SHFL: variants seen among roughly 807,000 people sequenced by gnomAD.
SHFL encodes the protein shiftless antiviral inhibitor of ribosomal frameshifting protein.
A neutral mutation model predicts 34.7 loss-of-function variants in SHFL; 12 were observed. That is an observed-to-expected ratio of 0.35 (90% CI 0.22 to 0.56). SHFL has a LOEUF of 0.56. Ranked by LOEUF, SHFL falls within the 20% of genes least tolerant of loss-of-function variation. SHFL has a pLI of 0.88. For synonymous variants in SHFL, 148 were observed against 156.0 expected (o/e 0.95, Z 0.38); for missense variants, 278 against 411.1 (o/e 0.68, Z 2.80).
At chr19:10,087,124 A>G (rs1320259447) in intron 2 of SHFL, 72 bp downstream of exon 2, 3 of 1,586,730 alleles carry the variant, frequency 1.9e-6, no homozygotes, top group Non-Finnish European at 2.6e-6. Context: ...TGGTCTAGGG[A>G]GAGGCGTTGA....
At chr19:10,089,764 C>T in intron 4 of SHFL, 69 bp downstream of exon 4, 1 of 1,560,684 alleles carries the variant, frequency 6.4e-7, no homozygotes, top group South Asian at 1.2e-5. Flanking sequence ...AGAAGGATGT[C>T]CATTAGGGCA....
Position 10,092,466 on chromosome 19 carries a change from G to A in SHFL, c.*164G>A. ...CCCATTTTCAGCGCCCAGGGTCACA[G>A]ATCCACAGTGGGAAGTTCTGTGGGA... On this transcript the variant is annotated 3_prime_UTR_variant, in exon 8 of 8. Coordinates refer to ENST00000253110, the MANE Select transcript of SHFL (RefSeq NM_018381.4). 1 of 1,520,848 alleles carries A rather than the reference G, an allele frequency of 6.6e-7. No homozygotes were observed. The highest frequency in any genetic ancestry group is 2.3e-5 in the East Asian group (1 of 44,100). The allele number at this position is 1,520,848 out of a possible 1,614,324, so 94.2% of individuals were successfully genotyped here.
Position 10,092,755 on chromosome 19 carries a change from C to T in SHFL, c.*453C>T. ...GGCACAGGCATGGTACCACCAGCCT[C>T]CCCGCTGGTACAGGGCACAGTTACC... On this transcript the variant is annotated 3_prime_UTR_variant, in exon 8 of 8. Transcript: ENST00000253110. 1.9e-6 allele frequency: 3 copies of T among 1,608,918 alleles called. No homozygotes were observed. In the East Asian group the frequency reaches 6.7e-5, roughly 36 times the overall value.
Position 10,086,709 on chromosome 19 carries a change from C to T in SHFL, c.22-220C>T. On this transcript the variant is annotated intron_variant, in intron 1 of 7. Coordinates refer to ENST00000253110, the MANE Select transcript of SHFL (RefSeq NM_018381.4). This position sits in a 1 kb window ranked among gnomAD's most constrained non-coding sequence, Gnocchi z 5.2. ...AGATAACCTGGCCGCCCCCCCACACCTTAGGCTGGGACGCTCGCCCCAGTC... is the reference window on the plus strand; with the variant it reads ...AGATAACCTGGCCGCCCCCCCACACTTTAGGCTGGGACGCTCGCCCCAGTC... 1.6e-6 allele frequency: 1 copy of T among 632,402 alleles called. No homozygotes were observed. Among genetic ancestry groups the T allele is most frequent in the Non-Finnish European group, 2.7e-6 (1 of 370,150 alleles). The allele number at this position is 632,402 out of a possible 1,614,324, so 39.2% of individuals were successfully genotyped here.
intron 3 of SHFL, 130 bp downstream of exon 3, chr19:10,087,430 A>G (rs1165211172): frequency 1.1e-6 from 1 of 927,066 alleles, no homozygotes; most frequent in Admixed American, 2.3e-5. Context: ...TCCATAACTC[A>G]TCACCCAATC....
Position 10,092,249 on chromosome 19 carries a change from G to A in SHFL, c.823G>A (p.Glu275Lys), listed in dbSNP as rs2088405441. ...CCTCATCCTGGAGGACCTGAAGGAG[G>A]AGGAGGAGGAAGAGGAGGAGGTGGA... Reference protein sequence around the residue: ...DNLILEDLKEEEEEEEEVEDE... With the variant: ...DNLILEDLKEKEEEEEEVEDE... The change falls in exon 8 of 8, where the codon GAG (glutamate) becomes AAG (lysine). Residue 275 changes from glutamate to lysine, a missense_variant. Around this residue, in one of 2 missense-constraint regions of SHFL, gnomAD observed 35 missense variants for 24.9 expected, o/e 1.41. Transcript: ENST00000253110. The A allele has an allele frequency of 6.2e-7, 1 of 1,609,136 alleles. No individual in the cohort carries two copies. The highest frequency in any genetic ancestry group is 8.5e-7 in the Non-Finnish European group (1 of 1,177,524).
chr19:10,091,104 AG>A lies in SHFL; in HGVS notation c.385-144del. ...AAATATTCCCACCATGGTCAATATC[AG>A]GCTACCCACGTGAAGTCACTGATTG... On this transcript the variant is annotated intron_variant, in intron 5 of 7. Coordinates refer to ENST00000253110, the MANE Select transcript of SHFL (RefSeq NM_018381.4). The surrounding 1 kb of genome is among the most constrained non-coding windows in gnomAD (Gnocchi z 8.2). The A allele has an allele frequency of 1.6e-6, 1 of 633,496 alleles. No homozygotes were observed. Among genetic ancestry groups the A allele is most frequent in the Admixed American group, 2.6e-5 (1 of 37,910 alleles). 39.2% of individuals were successfully genotyped at this position (633,496 alleles called of 1,614,324 possible).
chr19:10,086,734 C>A lies in SHFL; in HGVS notation c.22-195C>A. The stretch of plus-strand genomic sequence containing the variant: ...CTTAGGCTGGGACGCTCGCCCCAGT[C>A]CGCGCCTTCCCCCAACGCCCTGTGG... On this transcript the variant is annotated intron_variant, in intron 1 of 7. Transcript: ENST00000253110. This position sits in a 1 kb window ranked among gnomAD's most constrained non-coding sequence, Gnocchi z 5.2. 2.9e-6 allele frequency: 2 copies of A among 695,418 alleles called. No individual in the cohort carries two copies. The highest frequency in any genetic ancestry group is 4.7e-6 in the Non-Finnish European group (2 of 422,334). The allele number at this position is 695,418 out of a possible 1,614,324, so 43.1% of individuals were successfully genotyped here.
Position 10,086,558 on chromosome 19 carries a change from C to A in SHFL, c.21+110C>A. ...CCTGGGGACCCCCATCCTAGAACCCCAGATCCTTACCCCTGCCTGGCGCTC... is the reference window on the plus strand; with the variant it reads ...CCTGGGGACCCCCATCCTAGAACCCAAGATCCTTACCCCTGCCTGGCGCTC... On this transcript the variant is annotated intron_variant, in intron 1 of 7. Coordinates refer to ENST00000253110, the MANE Select transcript of SHFL (RefSeq NM_018381.4). The surrounding 1 kb of genome is among the most constrained non-coding windows in gnomAD (Gnocchi z 5.2). 1 of 1,067,288 alleles carries A rather than the reference C, an allele frequency of 9.4e-7. No individual in the cohort carries two copies. Among genetic ancestry groups the A allele is most frequent in the South Asian group, 2.9e-5 (1 of 33,960 alleles). The allele number at this position is 1,067,288 out of a possible 1,614,324, so 66.1% of individuals were successfully genotyped here. A position where few individuals can be genotyped will look rare whatever the true frequency, so the allele number is the denominator to read the frequency against.
intron 3 of SHFL, 64 bp downstream of exon 3, chr19:10,087,364 G>A (rs1428163835): frequency 6.3e-7 from 1 of 1,582,534 alleles, no homozygotes; most frequent in Non-Finnish European, 8.7e-7. Flanking sequence ...GGGGGGACCC[G>A]ACCCGTTCAT....
At position 10,092,876 on chromosome 19, in the gene SHFL, T is replaced by C; in HGVS notation, c.*574T>C. 9.7e-7 allele frequency: 1 copy of C among 1,029,112 alleles called. No homozygotes were observed. Among genetic ancestry groups the C allele is most frequent in the Non-Finnish European group, 1.4e-6 (1 of 737,242 alleles). 63.7% of individuals were successfully genotyped at this position (1,029,112 alleles called of 1,614,324 possible). A position where few individuals can be genotyped will look rare whatever the true frequency, so the allele number is the denominator to read the frequency against. ...CTTTTGCCAGGCATCCCCTGGCCCCTCCCATTCTTATTGAATACAAGCCCT... is the reference window on the plus strand; with the variant it reads ...CTTTTGCCAGGCATCCCCTGGCCCCCCCCATTCTTATTGAATACAAGCCCT... On this transcript the variant is annotated 3_prime_UTR_variant, in exon 8 of 8. Transcript: ENST00000253110.
rs1599280717 is a variant in SHFL at position 10,092,934 on chromosome 19, C to G, written c.*632C>G. The G allele has an allele frequency of 3.4e-6, 2 of 583,504 alleles. No individual in the cohort carries two copies. Among genetic ancestry groups the G allele is most frequent in the Non-Finnish European group, 5.6e-6 (2 of 356,220 alleles). The allele number at this position is 583,504 out of a possible 1,614,324, so 36.1% of individuals were successfully genotyped here. A position where few individuals can be genotyped will look rare whatever the true frequency, so the allele number is the denominator to read the frequency against. On this transcript the variant is annotated 3_prime_UTR_variant, in exon 8 of 8. Coordinates refer to ENST00000253110, the MANE Select transcript of SHFL (RefSeq NM_018381.4). ...CATCTCCTCAGCAAAAAAATAGGAG[C>G]CCTGGCCCCCCAACTTTCTTCAGAG...
intron 5 of SHFL, among the ~76,000 whole-genome samples, chr19:10,090,729 A>G (rs553200848): frequency 2.0e-5 from 3 of 151,922 alleles, no homozygotes; most frequent in Non-Finnish European, 4.4e-5. Flanking sequence ...GGCATGAGCC[A>G]CTGTGCCTGG....
At chr19:10,087,383 AC>A (rs749453105) in intron 3 of SHFL, 83 bp downstream of exon 3, 33 of 1,466,192 alleles carry the variant, frequency 2.3e-5, no homozygotes, top group Non-Finnish European at 2.9e-5. Flanking sequence ...ATGGTGACTG[AC>A]CCCCCTCTGA....
intron 2 of SHFL, 55 bp downstream of exon 2, chr19:10,087,107 G>A (rs752402517): frequency 1.3e-4 from 201 of 1,595,152 alleles, no homozygotes; most frequent in Non-Finnish European, 1.7e-4. Context: ...GGAGCGCCGA[G>A]GGGGCGTGGT....
chr19:10,091,187 AACCTCAG>A lies in SHFL; in HGVS notation c.385-60_385-54del, dbSNP rs1300125746. ...GCAGCACACTGCTAGCCCTGACCCC[AACCTCAG>A]ACACCTCTGACAATCCTTGGTCCCC... On this transcript the variant is annotated intron_variant, in intron 5 of 7. Coordinates refer to ENST00000253110, the MANE Select transcript of SHFL (RefSeq NM_018381.4). The surrounding 1 kb of genome is among the most constrained non-coding windows in gnomAD (Gnocchi z 8.2). The A allele has an allele frequency of 1.1e-5, 16 of 1,474,842 alleles. No individual in the cohort carries two copies. In the East Asian group the frequency reaches 3.8e-4, roughly 35 times the overall value. 91.4% of individuals were successfully genotyped at this position (1,474,842 alleles called of 1,614,324 possible).
chr19:10,086,389 G>C lies in SHFL; in HGVS notation c.-39G>C, dbSNP rs769523931. 9 of 1,293,564 alleles carry C rather than the reference G, an allele frequency of 7.0e-6. No individual in the cohort carries two copies. Among genetic ancestry groups the C allele is most frequent in the Non-Finnish European group, 8.9e-6 (9 of 1,013,824 alleles). The allele number at this position is 1,293,564 out of a possible 1,614,324, so 80.1% of individuals were successfully genotyped here. Reference sequence around the variant, plus strand: ...CCAGGTAGGGGGGCGGCTGAGCCGCGCAGTGCGGACCCTCGCGGGGAACTG... The same window carrying C: ...CCAGGTAGGGGGGCGGCTGAGCCGCCCAGTGCGGACCCTCGCGGGGAACTG... On this transcript the variant is annotated 5_prime_UTR_variant, in exon 1 of 8. Coordinates refer to ENST00000253110, the MANE Select transcript of SHFL (RefSeq NM_018381.4). The surrounding 1 kb of genome is among the most constrained non-coding windows in gnomAD (Gnocchi z 5.2).
chr19:10,087,125 G>C, intron 2 of SHFL, 73 bp downstream of exon 2: 1 of 1,588,384 alleles, frequency 6.3e-7, no homozygotes, highest in South Asian at 1.1e-5. Context: ...GGTCTAGGGA[G>C]AGGCGTTGAG....
intron 5 of SHFL, 53 bp downstream of exon 5, chr19:10,090,100 A>T: frequency 2.0e-5 from 31 of 1,552,694 alleles, no homozygotes; most frequent in Non-Finnish European, 2.7e-5. Flanking sequence ...TCCACTCCTG[A>T]CTCCTATCCT....
Sources: gnomAD v4.1 joint callset for allele counts (sites outside exome capture counted in the v4.1 genomes callset) on GRCh38, gnomAD v4.1.1 for gene constraint, gnomAD v4.1.1 regional missense constraint, Gnocchi (gnomAD v3.1) non-coding constraint, MANE v1.5 for transcripts, NCBI Gene and HGNC (gene_info 2026-07-23, HGNC 2026-07-21) for gene names.